Variants in CCDC91 observed in about 807,000 individuals in gnomAD.
The protein encoded by CCDC91 is coiled-coil domain containing 91.
A neutral mutation model predicts 63.2 loss-of-function variants in CCDC91; 48 were observed. That is an observed-to-expected ratio of 0.76 (90% CI 0.60 to 0.97). The LOEUF (loss-of-function observed/expected upper bound fraction) is 0.97. Ranked by LOEUF, CCDC91 falls within the 50% of genes least tolerant of loss-of-function variation. The pLI, the probability that CCDC91 is intolerant of heterozygous loss-of-function variation, is 0.00. For synonymous variants in CCDC91, 167 were observed against 165.8 expected (o/e 1.01, Z -0.06); for missense variants, 500 against 494.6 (o/e 1.01, Z -0.10).
intron 8 of CCDC91, among the ~76,000 whole-genome samples, chr12:28,423,656 A>G (rs1164000042): frequency 6.6e-6 from 1 of 152,202 alleles, no homozygotes; most frequent in African/African-American, 2.4e-5. Context: ...AATAAATACT[A>G]TGATCTTACA....
chr12:28,312,728 A>G (rs1257797517), intron 6 of CCDC91, among the ~76,000 whole-genome samples: 2 of 152,080 alleles, frequency 1.3e-5, no homozygotes, highest in Non-Finnish European at 2.9e-5. Context: ...ACCTGGTGGC[A>G]GATAATTGAA....
At chr12:28,543,287 G>A (rs1479298297) in intron 12 of CCDC91, among the ~76,000 whole-genome samples, 1 of 151,918 alleles carries the variant, frequency 6.6e-6, no homozygotes, top group African/African-American at 2.4e-5. Flanking sequence ...ATCTTTTTGG[G>A]GGACACAATT....
intron 11 of CCDC91, among the ~76,000 whole-genome samples, chr12:28,461,403 A>G (rs1406111831): frequency 6.6e-6 from 1 of 152,212 alleles, no homozygotes; most frequent in Admixed American, 6.5e-5. Flanking sequence ...GCAAATTCCT[A>G]CTTCACAGAT....
chr12:28,260,107 A>G (rs1946730322), intron 3 of CCDC91, among the ~76,000 whole-genome samples: 1 of 152,060 alleles, frequency 6.6e-6, no homozygotes, highest in South Asian at 2.1e-4. Flanking sequence ...CTATGGGGAT[A>G]TAGAGATGTA....
At chr12:28,247,350 G>A in intron 1 of CCDC91, among the ~76,000 whole-genome samples, 1 of 151,936 alleles carries the variant, frequency 6.6e-6, no homozygotes. Context: ...CATGGTGGAG[G>A]GCGCCTGTAG....
At chr12:28,497,633 G>A (rs564937268) in intron 12 of CCDC91, among the ~76,000 whole-genome samples, 27 of 151,562 alleles carry the variant, frequency 1.8e-4, no homozygotes, top group Admixed American at 4.6e-4. Context: ...ATCCAGCAGC[G>A]TACATTGAGA....
intron 8 of CCDC91, among the ~76,000 whole-genome samples, chr12:28,392,845 C>G (rs2139328786): frequency 1.3e-5 from 2 of 152,250 alleles, no homozygotes; most frequent in Admixed American, 1.3e-4. Flanking sequence ...CAGATGTGGT[C>G]CCTTTTGACC....
intron 12 of CCDC91, among the ~76,000 whole-genome samples, chr12:28,490,991 T>C (rs1951971187): frequency 6.6e-6 from 1 of 151,874 alleles, no homozygotes; most frequent in Non-Finnish European, 1.5e-5. Flanking sequence ...TATCCCATTA[T>C]TCCTGTAGCA....
At chr12:28,547,920 A>G (rs1943099261) in intron 12 of CCDC91, among the ~76,000 whole-genome samples, 1 of 152,080 alleles carries the variant, frequency 6.6e-6, no homozygotes, top group African/African-American at 2.4e-5. Flanking sequence ...AAGAATGACA[A>G]CTTTTACATA....
At chr12:28,461,296 G>A (rs11049634) in intron 11 of CCDC91, among the ~76,000 whole-genome samples, 31,676 of 151,884 alleles carry the variant, frequency 0.21, 4,327 homozygotes, top group Non-Finnish European at 0.31. Flanking sequence ...GAATTGGGTG[G>A]AAGGTTGAAG....
chr12:28,335,250 T>C (rs1448863793), intron 6 of CCDC91, among the ~76,000 whole-genome samples: 2 of 138,186 alleles, frequency 1.4e-5, no homozygotes, highest in Non-Finnish European at 3.1e-5. Flanking sequence ...TTATATAATA[T>C]ATAATACATA....
At chr12:28,375,265 A>G (rs1565879121) in intron 7 of CCDC91, among the ~76,000 whole-genome samples, 1 of 152,004 alleles carries the variant, frequency 6.6e-6, no homozygotes, top group Non-Finnish European at 1.5e-5. Context: ...CTCTTAAGAA[A>G]TATTAGGTAT....
chr12:28,210,515 C>T (rs1210570261), intron 1 of CCDC91, among the ~76,000 whole-genome samples: 8 of 152,080 alleles, frequency 5.3e-5, no homozygotes, highest in Non-Finnish European at 1.2e-4. Context: ...GGATTACTGG[C>T]TATAGGATGA....
chr12:28,318,565 T>C (rs1207238771), intron 6 of CCDC91, among the ~76,000 whole-genome samples: 1 of 151,872 alleles, frequency 6.6e-6, no homozygotes, highest in East Asian at 1.9e-4. Flanking sequence ...TTTCAATTAT[T>C]TGTTACGGAA....
intron 12 of CCDC91, among the ~76,000 whole-genome samples, chr12:28,534,570 G>A (rs981905001): frequency 5.3e-5 from 8 of 151,936 alleles, no homozygotes; most frequent in African/African-American, 1.9e-4. Flanking sequence ...TCCTGTCTAC[G>A]GGACATGTGT....
rs573948393 is a variant in CCDC91 at position 28,480,560 on chromosome 12, C to G, written c.1102-3492C>G. Among the ~76,000 whole-genome samples, 6 of 152,152 alleles carry G rather than the reference C, an allele frequency of 3.9e-5. No homozygotes were observed. The South Asian group carries it at 1.2e-3, about 32-fold the overall frequency. ...TATGAACAGAGTTTGCTACCAACCA[C>G]AAACTAGAACCCAGCATAACATGTG... On this transcript the variant is annotated intron_variant, in intron 11 of 12. Coordinates refer to ENST00000536442, the MANE Select transcript of CCDC91 (RefSeq NM_018318.5).
chr12:28,304,967 A>G (rs1242045812), intron 3 of CCDC91, among the ~76,000 whole-genome samples: 1 of 152,126 alleles, frequency 6.6e-6, no homozygotes, highest in Admixed American at 6.6e-5. Flanking sequence ...CTTAAAGCTA[A>G]TTGAAAAAGA....
intron 7 of CCDC91, among the ~76,000 whole-genome samples, chr12:28,380,325 A>G (rs1945221015): frequency 1.3e-5 from 2 of 152,088 alleles, no homozygotes; most frequent in African/African-American, 2.4e-5. Context: ...AAGTATAATA[A>G]TAATAAAAAA....
rs572451889 is a variant in CCDC91, at chr12:28,218,823, G to A, written c.-15+28182G>A. Among the ~76,000 whole-genome samples the A allele has an allele frequency of 9.9e-5, 15 of 151,824 alleles. No homozygotes were observed. In the East Asian group the frequency reaches 1.4e-3, roughly 14 times the overall value. ...GTTGCATATATAAATAGGTTTGTTC[G>A]TTGTAATTGCTGAGTAACATTGTAT... is the stretch of plus-strand genomic sequence containing the variant. On this transcript the variant is annotated intron_variant, in intron 1 of 12. Transcript: ENST00000536442.
Sources: gnomAD v4.1 joint callset for allele counts (sites outside exome capture counted in the v4.1 genomes callset) on GRCh38, gnomAD v4.1.1 for gene constraint, MANE v1.5 for transcripts, NCBI Gene and HGNC (gene_info 2026-07-23, HGNC 2026-07-21) for gene names.